RBFOX1: variants seen among roughly 807,000 people sequenced by gnomAD.
RBFOX1 encodes RNA binding protein fox-1 homolog 1.
Under a neutral mutation model 57.7 loss-of-function variants are expected in RBFOX1, and 8 were observed. The observed-to-expected ratio is 0.14, with a 90% CI of 0.08 to 0.25. The LOEUF (loss-of-function observed/expected upper bound fraction) is 0.25, where lower values mean the gene tolerates loss of function less well. Among genes scored for constraint, RBFOX1 ranks in the 10% least tolerant of loss-of-function variants. The probability of loss-of-function intolerance (pLI) is 1.00; values close to 1 mark genes in which losing one functional copy is unlikely to be tolerated. For missense variants in RBFOX1, 611 were observed against 548.5 expected, an observed-to-expected ratio of 1.11 and a Z score of -1.14; for synonymous variants, 326 against 222.4, an observed-to-expected ratio of 1.47 and a Z score of -4.15.
At chr16:7,259,930 T>G (rs1354390112) in intron 4 of RBFOX1, among the ~76,000 whole-genome samples, 1 of 152,202 alleles carries the variant, frequency 6.6e-6, no homozygotes, top group East Asian at 1.9e-4. Flanking sequence ...CCTGCCAATT[T>G]ATACTGTCAT....
intron 4 of RBFOX1, among the ~76,000 whole-genome samples, chr16:7,298,898 C>T (rs552108250): frequency 5.3e-5 from 8 of 152,252 alleles, no homozygotes; most frequent in African/African-American, 1.7e-4. Flanking sequence ...CTGGGTCTCT[C>T]AGGTGGCAGA....
intron 3 of RBFOX1, among the ~76,000 whole-genome samples, chr16:6,670,783 G>A (rs1437904932): frequency 6.6e-6 from 1 of 152,056 alleles, no homozygotes; most frequent in South Asian, 2.1e-4. Context: ...GGATCACAAG[G>A]TCAGGAGATC....
chr16:6,588,944 C>T (rs1333760992), intron 2 of RBFOX1, among the ~76,000 whole-genome samples: 2 of 152,248 alleles, frequency 1.3e-5, no homozygotes, highest in East Asian at 3.9e-4. Flanking sequence ...ATACACTAGT[C>T]TTGTACTTAG....
intron 1 of RBFOX1, among the ~76,000 whole-genome samples, chr16:6,118,446 A>G (rs1278670552): frequency 6.6e-6 from 1 of 152,198 alleles, no homozygotes; most frequent in Non-Finnish European, 1.5e-5. Flanking sequence ...TTCCAGAATC[A>G]TAGATGGCAT....
At chr16:6,774,250 T>G (rs919869133) in intron 3 of RBFOX1, among the ~76,000 whole-genome samples, 3 of 152,124 alleles carry the variant, frequency 2.0e-5, no homozygotes, top group African/African-American at 7.2e-5. Context: ...AAGGAAGCTT[T>G]TGAGGAATTC....
chr16:6,843,233 G>T (rs994564015), intron 3 of RBFOX1, among the ~76,000 whole-genome samples: 2 of 152,106 alleles, frequency 1.3e-5, no homozygotes, highest in African/African-American at 2.4e-5. Context: ...CTTTATTTCT[G>T]TGAACCTTTT....
intron 4 of RBFOX1, among the ~76,000 whole-genome samples, chr16:7,364,348 A>G (rs1351313736): frequency 6.6e-6 from 1 of 151,968 alleles, no homozygotes; most frequent in African/African-American, 2.4e-5. Flanking sequence ...AGGTTATTGA[A>G]TTTGTCCTTT....
In RBFOX1 at chr16:6,050,359, ATTGT is replaced by A. The variant is rs995477251; in HGVS notation, c.-127+30372_-127+30375del. Among the ~76,000 whole-genome samples, 7 of 152,268 alleles carry A rather than the reference ATTGT, an allele frequency of 4.6e-5. No homozygotes were observed. The East Asian group carries it at 1.2e-3, about 25-fold the overall frequency. ...TTGTTGACCTTGTTGAAGAAAACAG[ATTGT>A]TTGTCCTGCAGTATTTCTCACAGTC... On this transcript the variant is annotated intron_variant, in intron 1 of 15. Coordinates refer to ENST00000550418, the MANE Select transcript of RBFOX1 (RefSeq NM_018723.4).
At chr16:6,440,524 G>A (rs894436040) in intron 2 of RBFOX1, among the ~76,000 whole-genome samples, 17 of 152,154 alleles carry the variant, frequency 1.1e-4, no homozygotes, top group African/African-American at 4.1e-4. Flanking sequence ...AGGATTGGCC[G>A]GGTGCAGTGG....
chr16:7,672,757 C>G (rs867494839), intron 13 of RBFOX1, among the ~76,000 whole-genome samples: 26 of 150,440 alleles, frequency 1.7e-4, no homozygotes, highest in African/African-American at 5.6e-4. Flanking sequence ...GTCCCAGCTA[C>G]TCGGGAGGCT....
intron 3 of RBFOX1, among the ~76,000 whole-genome samples, chr16:5,634,519 A>T (rs1351488542): frequency 1.3e-5 from 2 of 152,170 alleles, no homozygotes; most frequent in African/African-American, 4.8e-5. Flanking sequence ...TTTTTCAAAT[A>T]CCTAAGTGTG....
chr16:7,664,641 T>C, intron 12 of RBFOX1: 1 of 459,128 alleles, frequency 2.2e-6, no homozygotes. Context: ...TCTTTGCATT[T>C]CAAAGTCGTG....
chr16:7,014,206 A>T (rs2093790613), intron 3 of RBFOX1, among the ~76,000 whole-genome samples: 1 of 151,832 alleles, frequency 6.6e-6, no homozygotes, highest in Admixed American at 6.6e-5. Context: ...ATGATGTGTA[A>T]ACTGAAGGTT....
intron 1 of RBFOX1, among the ~76,000 whole-genome samples, chr16:5,408,623 G>A (rs889503487): frequency 3.3e-5 from 5 of 152,206 alleles, no homozygotes; most frequent in Admixed American, 6.5e-5. Flanking sequence ...GCCATAAGAA[G>A]TATCTGAGAC....
chr16:6,726,397 C>CT (rs5815344), intron 3 of RBFOX1, among the ~76,000 whole-genome samples: 68,744 of 146,838 alleles, frequency 0.47, 17,619 homozygotes, highest in Middle Eastern at 0.6. Context: ...GCTATTTTTT[C>CT]TTTTTTTTTT....
chr16:7,290,482 C>A (rs893489575), intron 4 of RBFOX1, among the ~76,000 whole-genome samples: 1 of 152,172 alleles, frequency 6.6e-6, no homozygotes, highest in Non-Finnish European at 1.5e-5. Context: ...AAGGCCAGCA[C>A]CATGCTTCGC....
chr16:5,308,024 A>G (rs1260804004), intron 1 of RBFOX1, among the ~76,000 whole-genome samples: 1 of 152,162 alleles, frequency 6.6e-6, no homozygotes, highest in Non-Finnish European at 1.5e-5. Context: ...TAAAAAATAA[A>G]GCAGTACTGA....
chr16:7,491,172 A>G (rs978046209), intron 4 of RBFOX1, among the ~76,000 whole-genome samples: 18 of 152,092 alleles, frequency 1.2e-4, no homozygotes, highest in Non-Finnish European at 2.1e-4. Flanking sequence ...TCTGAAGCCA[A>G]TTCTTCAACC....
At chr16:5,765,135 G>A (rs906329865) in intron 3 of RBFOX1, among the ~76,000 whole-genome samples, 1 of 152,166 alleles carries the variant, frequency 6.6e-6, no homozygotes, top group South Asian at 2.1e-4. Flanking sequence ...AAGCCCTTGG[G>A]TGGGAGCTGG....
Sources: allele counts gnomAD v4.1 joint callset (sites outside exome capture counted in the v4.1 genomes callset), GRCh38; gene constraint gnomAD v4.1.1; transcripts MANE v1.5; gene names NCBI Gene and HGNC (gene_info 2026-07-23, HGNC 2026-07-21).